The following SCYL2 variants were observed in gnomAD, a reference collection of about 807,000 sequenced individuals.
SCYL2 encodes the protein SCY1-like protein 2.
In SCYL2, 36 loss-of-function variants were observed where a neutral mutation model predicts 100.4. The observed-to-expected ratio is 0.36, with a 90% CI of 0.27 to 0.47. The LOEUF is 0.47. Among genes scored for constraint, SCYL2 ranks in the 20% least tolerant of loss-of-function variants. The pLI is 1.00. For missense variants in SCYL2, 902 were observed against 1,083.9 expected (o/e 0.83, Z 2.36); for synonymous variants, 330 against 359.2 (o/e 0.92, Z 0.92).
chr12:100,318,440 C>T (rs568837832), intron 10 of SCYL2, among the ~76,000 whole-genome samples: 11 of 151,218 alleles, frequency 7.3e-5, no homozygotes, highest in African/African-American at 2.7e-4. Context: ...AAGCAATTCT[C>T]CTGCCTCAGC....
intron 1 of SCYL2, among the ~76,000 whole-genome samples, chr12:100,277,794 T>C (rs2096294078): frequency 6.6e-6 from 1 of 152,196 alleles, no homozygotes; most frequent in African/African-American, 2.4e-5. Flanking sequence ...TCTTTTCCGC[T>C]TCTTTTTATA....
chr12:100,303,763 G>C (rs190986647), intron 4 of SCYL2, among the ~76,000 whole-genome samples: 6 of 152,336 alleles, frequency 3.9e-5, no homozygotes, highest in African/African-American at 1.4e-4. Context: ...GAGGCAGTCT[G>C]TCCCTTAGCA....
Position 100,315,596 on chromosome 12 carries a change from A to G in SCYL2, c.1134A>G (p.Ser378=), listed in dbSNP as rs1260915476. ...AGAGAATTTTGCCTTGTTTGACTTC[A>G]GAATTTGTAAACCCTGACATGGTAC... The part of the protein sequence containing the change: ...IVQRILPCLT[S]EFVNPDMVPF... Residue 378 remains serine (S), a synonymous_variant, in exon 9 of 18, where the codon TCA becomes TCG. Coordinates refer to ENST00000360820, the MANE Select transcript of SCYL2 (RefSeq NM_017988.6). 5 of 1,607,242 alleles carry G rather than the reference A, an allele frequency of 3.1e-6. No individual in the cohort carries two copies. In the Admixed American group the frequency reaches 8.4e-5, roughly 27 times the overall value.
chr12:100,332,725 T>G (rs925672793), intron 13 of SCYL2, among the ~76,000 whole-genome samples: 2 of 151,290 alleles, frequency 1.3e-5, no homozygotes, highest in African/African-American at 2.4e-5. Flanking sequence ...TTTGTTTTTT[T>G]TTTTTTTGAG....
intron 2 of SCYL2, among the ~76,000 whole-genome samples, chr12:100,285,716 GCTTT>G (rs2096303786): frequency 6.6e-6 from 1 of 152,192 alleles, no homozygotes; most frequent in African/African-American, 2.4e-5. Flanking sequence ...TCTGTTAATA[GCTTT>G]CTAACTGACT....
chr12:100,291,287 A>G (rs865937395), intron 2 of SCYL2, among the ~76,000 whole-genome samples: 1 of 152,290 alleles, frequency 6.6e-6, no homozygotes, highest in East Asian at 1.9e-4. Flanking sequence ...TTCAAAGGTA[A>G]GGTTTTTCCT....
At chr12:100,332,846 C>T (rs779631425) in intron 13 of SCYL2, among the ~76,000 whole-genome samples, 32 of 151,926 alleles carry the variant, frequency 2.1e-4, no homozygotes, top group Non-Finnish European at 4.0e-4. Flanking sequence ...TCCCAAGTAG[C>T]TAGGACTACA....
intron 1 of SCYL2, among the ~76,000 whole-genome samples, chr12:100,276,653 A>G (rs991545443): frequency 6.6e-6 from 1 of 152,130 alleles, no homozygotes; most frequent in Non-Finnish European, 1.5e-5. Flanking sequence ...TTTCTTGATC[A>G]ATATAGCTAG....
chr12:100,275,332 G>C (rs2096291438), intron 1 of SCYL2, among the ~76,000 whole-genome samples: 1 of 151,972 alleles, frequency 6.6e-6, no homozygotes, highest in Non-Finnish European at 1.5e-5. Context: ...CTACTGAGTA[G>C]CTGGGACTGC....
intron 11 of SCYL2, among the ~76,000 whole-genome samples, chr12:100,325,727 A>G (rs1043983267): frequency 4.6e-5 from 7 of 152,192 alleles, no homozygotes; most frequent in African/African-American, 1.7e-4. Flanking sequence ...AGTAAATAAA[A>G]TTAGTATTCT....
rs1365125693 is a variant in SCYL2 at position 100,267,355 on chromosome 12, G to T, written c.-466G>T. The T allele has an allele frequency of 1.2e-5, 4 of 337,124 alleles. No homozygotes were observed. The East Asian group carries it at 1.6e-4, about 13-fold the overall frequency. 20.9% of individuals were successfully genotyped at this position (337,124 alleles called of 1,614,324 possible). Reference sequence around the variant, plus strand: ...AGGAGGCGTTTATTAGGGGGGCGGGGGGAAAGAGCCCCAGCACCGCCCCTC... The same window carrying T: ...AGGAGGCGTTTATTAGGGGGGCGGGTGGAAAGAGCCCCAGCACCGCCCCTC... On this transcript the variant is annotated 5_prime_UTR_variant, in exon 1 of 18. Transcript: ENST00000360820.
intron 10 of SCYL2, among the ~76,000 whole-genome samples, chr12:100,320,520 C>T (rs1363930137): frequency 5.3e-5 from 8 of 151,432 alleles, no homozygotes; most frequent in Non-Finnish European, 7.4e-5. Flanking sequence ...TGCACTCCAG[C>T]CTGGGCGACA....
chr12:100,271,661 G>C (rs1207183035), intron 1 of SCYL2, among the ~76,000 whole-genome samples: 1 of 152,196 alleles, frequency 6.6e-6, no homozygotes, highest in East Asian at 1.9e-4. Context: ...GAGACTGAAA[G>C]TTATTAAATG....
Position 100,291,891 on chromosome 12 carries a change from C to G in SCYL2, c.335+231C>G, listed in dbSNP as rs199965173. Reference sequence around the variant, plus strand: ...TTGCCATGATTCTGTACTTCAGTGGCTACCCTGTGCTCATGACTACAATAG... The same window carrying G: ...TTGCCATGATTCTGTACTTCAGTGGGTACCCTGTGCTCATGACTACAATAG... On this transcript the variant is annotated intron_variant, in intron 3 of 17. Transcript: ENST00000360820. 6.7e-6 allele frequency: 3 copies of G among 444,642 alleles called. No individual in the cohort carries two copies. In the East Asian group the frequency reaches 1.3e-4, roughly 19 times the overall value. 27.5% of individuals were successfully genotyped at this position (444,642 alleles called of 1,614,324 possible).
intron 12 of SCYL2, chr12:100,327,182 A>G (rs973404558): frequency 3.2e-5 from 13 of 412,550 alleles, no homozygotes; most frequent in Non-Finnish European, 5.9e-5. Flanking sequence ...TCTATTTTAT[A>G]AGGAAACTGA....
At chr12:100,296,507 G>T (rs538293880) in intron 3 of SCYL2, among the ~76,000 whole-genome samples, 1 of 152,152 alleles carries the variant, frequency 6.6e-6, no homozygotes, top group African/African-American at 2.4e-5. Flanking sequence ...GAATATTGTC[G>T]TATGGCAGGA....
chr12:100,290,534 TGC>T (rs2096309351), intron 2 of SCYL2, among the ~76,000 whole-genome samples: 1 of 152,050 alleles, frequency 6.6e-6, no homozygotes, highest in Non-Finnish European at 1.5e-5. Context: ...AAAATAATAA[TGC>T]TAATGTAGCA....
At chr12:100,302,207 A>G (rs1046840528) in intron 4 of SCYL2, among the ~76,000 whole-genome samples, 3 of 152,156 alleles carry the variant, frequency 2.0e-5, no homozygotes, top group African/African-American at 7.2e-5. Context: ...GCTGCCAGCT[A>G]CATTGCCTGG....
At chr12:100,334,127 T>C (rs768931380) in intron 13 of SCYL2, 39 bp from the exon 14 acceptor site, 1 of 1,174,430 alleles carries the variant, frequency 8.5e-7, no homozygotes, top group Non-Finnish European at 1.3e-6. Context: ...TGCTGCTAAC[T>C]TGAAACATTG....
Sources: allele counts gnomAD v4.1 joint callset (sites outside exome capture counted in the v4.1 genomes callset), GRCh38; gene constraint gnomAD v4.1.1; transcripts MANE v1.5; gene names NCBI Gene and HGNC (gene_info 2026-07-23, HGNC 2026-07-21).